Variants in MACC1 observed in about 807,000 individuals in gnomAD.
The protein encoded by MACC1 is MET transcriptional regulator MACC1.
MACC1 carries 79 observed loss-of-function variants against 70.7 expected under a neutral mutation model. The observed-to-expected ratio is 1.12, with a 90% CI of 0.93 to 1.35. MACC1 has a LOEUF of 1.35. Among genes scored for constraint, MACC1 ranks in the 40% most tolerant of loss-of-function variants. The probability of loss-of-function intolerance (pLI) is 0.00; values close to 1 mark genes in which losing one functional copy is unlikely to be tolerated. For synonymous variants in MACC1, 361 were observed against 347.2 expected (o/e 1.04, Z -0.44); for missense variants, 1,106 against 978.1 (o/e 1.13, Z -1.74).
intron 5 of MACC1, among the ~76,000 whole-genome samples, chr7:20,156,217 A>G (rs1458707540): frequency 1.3e-5 from 2 of 152,178 alleles, no homozygotes; most frequent in Non-Finnish European, 2.9e-5. Context: ...ATGCAAATAA[A>G]GTTTCAAGAG....
chr7:20,191,751 C>T (rs1282829012), intron 1 of MACC1, among the ~76,000 whole-genome samples: 4 of 152,070 alleles, frequency 2.6e-5, no homozygotes, highest in African/African-American at 9.7e-5. Context: ...AACTAAAATA[C>T]GGCTGGCAAT....
rs1433377097 is a variant in MACC1, at chr7:20,154,200, G to A, written c.2339C>T (p.Ala780Val). The A allele has an allele frequency of 1.2e-6, 2 of 1,613,812 alleles. No individual in the cohort carries two copies. The highest frequency in any genetic ancestry group is 2.2e-5 in the East Asian group (1 of 44,870). The change falls in exon 6 of 7, where the codon GCT becomes GTT. Residue 780 changes from alanine to valine, a missense_variant. Physicochemically the swap from Ala to Val is moderately conservative, Grantham distance 64. Coordinates refer to ENST00000400331, the MANE Select transcript of MACC1 (RefSeq NM_182762.4). ...CACAAACAGAAGTCTTACCTCAACA[G>A]CAACATCTCCAGTGTTTCCTCGATG... ...IPHRGNTGDV[A>V]VEMMWKPAYD...
In MACC1 at chr7:20,159,589, G is replaced by A. The variant is rs781315242; in HGVS notation, c.772C>T (p.Pro258Ser). The A allele has an allele frequency of 1.2e-6, 2 of 1,614,086 alleles. No individual in the cohort carries two copies. The highest frequency in any genetic ancestry group is 1.1e-5 in the South Asian group (1 of 91,082). ...EVSLRAFLDP[P>S]HMLNHDLSCT... ...GAAAGATCATGGTTAAGCATGTGTG[G>A]CGGATCAAGGAAAGCCCTTAGAGAC... The change falls in exon 5 of 7, where the codon CCA becomes TCA. Residue 258 changes from proline to serine, a missense_variant. Transcript: ENST00000400331.
intron 1 of MACC1, among the ~76,000 whole-genome samples, chr7:20,183,140 C>T (rs1174366273): frequency 2.6e-5 from 4 of 152,102 alleles, no homozygotes; most frequent in Non-Finnish European, 2.9e-5. Context: ...TGGATGTACC[C>T]GACTTAATGA....
chr7:20,154,625 A>G (rs1782029313), intron 5 of MACC1, among the ~76,000 whole-genome samples: 1 of 152,178 alleles, frequency 6.6e-6, no homozygotes, highest in African/African-American at 2.4e-5. Context: ...TAATTATAGG[A>G]CCTTGGATAA....
chr7:20,160,907 C>T (rs754057713), intron 4 of MACC1, among the ~76,000 whole-genome samples: 37 of 151,786 alleles, frequency 2.4e-4, no homozygotes, highest in Non-Finnish European at 4.7e-4. Context: ...AAATTTAGAC[C>T]ACCATTGGTT....
chr7:20,186,882 G>C (rs961661099), intron 1 of MACC1, among the ~76,000 whole-genome samples: 1 of 152,168 alleles, frequency 6.6e-6, no homozygotes, highest in Admixed American at 6.5e-5. Context: ...GTATTTAACA[G>C]CATAACGTAT....
In MACC1 at chr7:20,159,494, C is replaced by T. The variant is rs1782108972; in HGVS notation, c.867G>A (p.Glu289=). ...TTCTTACTTCAGCCCCAATTTTCAT[C>T]TCCAGCAAAAGGGCTTCCATTGTAT... is the stretch of plus-strand genomic sequence containing the variant. The part of the protein sequence containing the change: ...NLNTMEALLL[E]MKIGAEVRKD... Residue 289 remains glutamate (E), a synonymous_variant, in exon 5 of 7, where the codon GAG becomes GAA. Transcript: ENST00000400331. The T allele has an allele frequency of 6.2e-7, 1 of 1,613,996 alleles. No individual in the cohort carries two copies. Among genetic ancestry groups the T allele is most frequent in the Non-Finnish European group, 8.5e-7 (1 of 1,180,028 alleles).
chr7:20,152,269 T>G (rs17454555), intron 6 of MACC1, among the ~76,000 whole-genome samples: 10 of 151,938 alleles, frequency 6.6e-5, no homozygotes, highest in African/African-American at 2.4e-4. Flanking sequence ...GCCCAGCAAC[T>G]GCTAGACCTA....
intron 1 of MACC1, among the ~76,000 whole-genome samples, chr7:20,180,005 G>C (rs1240497192): frequency 6.6e-6 from 1 of 152,074 alleles, no homozygotes; most frequent in African/African-American, 2.4e-5. Context: ...ATATTTTTAG[G>C]AGAGATAAAA....
intron 6 of MACC1, among the ~76,000 whole-genome samples, chr7:20,146,062 G>A (rs530059617): frequency 4.1e-4 from 62 of 151,680 alleles, no homozygotes; most frequent in African/African-American, 1.4e-3. Context: ...TTGGGAGGCT[G>A]AGGCAGGAGA....
At chr7:20,204,175 G>C (rs1782873507) in intron 1 of MACC1, among the ~76,000 whole-genome samples, 1 of 151,938 alleles carries the variant, frequency 6.6e-6, no homozygotes, top group African/African-American at 2.4e-5. Flanking sequence ...GTTTTTTTGA[G>C]ATGGAGTCTT....
chr7:20,200,750 T>A (rs1782821841), intron 1 of MACC1, among the ~76,000 whole-genome samples: 1 of 152,204 alleles, frequency 6.6e-6, no homozygotes, highest in South Asian at 2.1e-4. Flanking sequence ...TGCTATCTAA[T>A]CCTGGAAGTT....
intron 1 of MACC1, among the ~76,000 whole-genome samples, chr7:20,212,919 C>T (rs1327118825): frequency 3.9e-5 from 6 of 151,974 alleles, no homozygotes; most frequent in Admixed American, 3.3e-4. Context: ...TGGCTGGAGA[C>T]CCCATTTGGT....
At chr7:20,154,694 C>A (rs1782030315) in intron 5 of MACC1, among the ~76,000 whole-genome samples, 1 of 152,100 alleles carries the variant, frequency 6.6e-6, no homozygotes, top group Non-Finnish European at 1.5e-5. Flanking sequence ...AGTTAAATTA[C>A]ACACTTCCAA....
At position 20,159,816 on chromosome 7, in the gene MACC1, C is replaced by T. The variant is rs1432875649; in HGVS notation, c.545G>A (p.Trp182Ter). The T allele has an allele frequency of 1.2e-6, 2 of 1,613,992 alleles. No individual in the cohort carries two copies. The highest frequency in any genetic ancestry group is 1.7e-6 in the Non-Finnish European group (2 of 1,180,026). The stretch of plus-strand genomic sequence containing the variant: ...GCGGGCCAGCTGGCGTTGACTTAAC[C>T]AAGCCATTTTATAAGCCTCCCGATC... ...KNDREAYKMA[W>*]LSQRQLARSC... is the part of the protein sequence containing the mutation. The change falls in exon 5 of 7, where the codon TGG becomes TAG. Residue 182 changes from tryptophan (W) to a stop codon, truncating the protein, a stop_gained. Coordinates refer to ENST00000400331, the MANE Select transcript of MACC1 (RefSeq NM_182762.4). LOFTEE classifies it high-confidence loss of function.
chr7:20,207,670 G>A (rs1448856419), intron 1 of MACC1, among the ~76,000 whole-genome samples: 2 of 151,930 alleles, frequency 1.3e-5, no homozygotes, highest in Admixed American at 6.6e-5. Context: ...ATCAATAAAC[G>A]AATGTTTAAA....
chr7:20,188,170 C>T (rs767945823), intron 1 of MACC1, among the ~76,000 whole-genome samples: 4 of 152,202 alleles, frequency 2.6e-5, no homozygotes, highest in Non-Finnish European at 5.9e-5. Context: ...ATTATCTCCA[C>T]CTGGTTCCAC....
At chr7:20,213,080 G>A (rs1783021792) in intron 1 of MACC1, among the ~76,000 whole-genome samples, 1 of 152,274 alleles carries the variant, frequency 6.6e-6, no homozygotes, top group African/African-American at 2.4e-5. Flanking sequence ...GAATAATTAA[G>A]ATGTGGAAAA....
Sources: gnomAD v4.1 joint callset for allele counts (sites outside exome capture counted in the v4.1 genomes callset) on GRCh38, gnomAD v4.1.1 for gene constraint, MANE v1.5 for transcripts, NCBI Gene and HGNC (gene_info 2026-07-23, HGNC 2026-07-21) for gene names.